CFL2: variants seen among roughly 807,000 people sequenced by gnomAD.
CFL2 encodes cofilin-2.
In CFL2, 10 loss-of-function variants were observed where a neutral mutation model predicts 19.6. The ratio of observed to expected loss-of-function variants is 0.51; its 90% CI spans 0.31 to 0.86. The LOEUF (loss-of-function observed/expected upper bound fraction) is 0.86. CFL2 is among the 40% of genes least tolerant of loss of function. CFL2 has a pLI of 0.04. For synonymous variants in CFL2, 63 were observed against 66.7 expected (o/e 0.95, Z 0.27); for missense variants, 125 against 192.1 (o/e 0.65, Z 2.06).
In CFL2 at chr14:34,712,659, TC is replaced by T; in HGVS notation, c.*205del. ...TATGACAGGAAGGCATTCCTTGGGT[TC>T]TATATAAAAGTAACAGTATTCAACA... On this transcript the variant is annotated 3_prime_UTR_variant, in exon 4 of 4. Transcript: ENST00000298159. The T allele has an allele frequency of 3.0e-6, 2 of 673,544 alleles. No individual in the cohort carries two copies. The highest frequency in any genetic ancestry group is 1.8e-5 in the African/African-American group (1 of 56,668). The allele number at this position is 673,544 out of a possible 1,614,324, so 41.7% of individuals were successfully genotyped here.
Position 34,712,427 on chromosome 14 carries a change from G to A in CFL2, c.*438C>T. 2.2e-6 allele frequency: 1 copy of A among 455,426 alleles called. No individual in the cohort carries two copies. Among genetic ancestry groups the A allele is most frequent in the South Asian group, 1.6e-5 (1 of 64,486 alleles). The allele number at this position is 455,426 out of a possible 1,614,324, so 28.2% of individuals were successfully genotyped here. ...ATAGGCTTGCCAAGGCAGGTGAGGTGTATGAATGCTCAAGCCTCACAGAAC... is the reference window on the plus strand; with the variant it reads ...ATAGGCTTGCCAAGGCAGGTGAGGTATATGAATGCTCAAGCCTCACAGAAC... On this transcript the variant is annotated 3_prime_UTR_variant, in exon 4 of 4. Transcript: ENST00000298159.
rs942279148 is a variant in CFL2 at position 34,710,182 on chromosome 14, A to G, written c.*2683T>C. 1.5e-4 allele frequency: 27 copies of G among 178,516 alleles called. No homozygotes were observed. The highest frequency in any genetic ancestry group is 8.1e-4 in the Admixed American group (14 of 17,278). The allele number at this position is 178,516 out of a possible 1,614,324, so 11.1% of individuals were successfully genotyped here. Reference sequence around the variant, plus strand: ...CACATTTCAATACACAATGCTGGCCACACTATTTTAGATAATGATGGAAAA... The same window carrying G: ...CACATTTCAATACACAATGCTGGCCGCACTATTTTAGATAATGATGGAAAA... On this transcript the variant is annotated 3_prime_UTR_variant, in exon 4 of 4. Coordinates refer to ENST00000298159, the MANE Select transcript of CFL2 (RefSeq NM_138638.5).
chr14:34,712,314 T>C lies in CFL2; in HGVS notation c.*551A>G. ...AAGTTGATGACACAGTTAACAAAAC[T>C]TAATTGGCATTCCTTTTAGGATATT... On this transcript the variant is annotated 3_prime_UTR_variant, in exon 4 of 4. Transcript: ENST00000298159. 2 of 454,564 alleles carry C rather than the reference T, an allele frequency of 4.4e-6. No homozygotes were observed. Among genetic ancestry groups the C allele is most frequent in the Non-Finnish European group, 8.8e-6 (2 of 226,788 alleles). 28.2% of individuals were successfully genotyped at this position (454,564 alleles called of 1,614,324 possible).
At chr14:34,713,857 C>A in intron 1 of CFL2, 1 of 1,509,016 alleles carries the variant, frequency 6.6e-7, no homozygotes, top group South Asian at 1.3e-5. Context: ...GTCAGAGCTT[C>A]AGGAGTGGCA....
chr14:34,713,984 T>C (rs545378398), intron 1 of CFL2, among the ~76,000 whole-genome samples: 1 of 152,310 alleles, frequency 6.6e-6, no homozygotes, highest in South Asian at 2.1e-4. Flanking sequence ...TGACGTTTCC[T>C]CATAAGGAAA....
In CFL2 at chr14:34,712,448, A is replaced by G. The variant is rs2138471832; in HGVS notation, c.*417T>C. The G allele has an allele frequency of 2.2e-6, 1 of 455,990 alleles. No homozygotes were observed. The highest frequency in any genetic ancestry group is 6.9e-4 in the Middle Eastern group (1 of 1,450). The allele number at this position is 455,990 out of a possible 1,614,324, so 28.2% of individuals were successfully genotyped here. A position where few individuals can be genotyped will look rare whatever the true frequency, so the allele number is the denominator to read the frequency against. On this transcript the variant is annotated 3_prime_UTR_variant, in exon 4 of 4. Transcript: ENST00000298159. ...AGGTGTATGAATGCTCAAGCCTCAC[A>G]GAACTGCAATCAAGTGCCAACTATA... is the stretch of plus-strand genomic sequence containing the variant.
chr14:34,710,553 C>T lies in CFL2; in HGVS notation c.*2312G>A, dbSNP rs1249432171. 4.6e-6 allele frequency: 2 copies of T among 432,674 alleles called. No homozygotes were observed. Among genetic ancestry groups the T allele is most frequent in the Admixed American group, 5.3e-5 (2 of 37,920 alleles). The allele number at this position is 432,674 out of a possible 1,614,324, so 26.8% of individuals were successfully genotyped here. Reference sequence around the variant, plus strand: ...AGCACCGTATACCTTTTAAAGCTAACTGGAACATTGATTCATTATAAATGA... The same window carrying T: ...AGCACCGTATACCTTTTAAAGCTAATTGGAACATTGATTCATTATAAATGA... On this transcript the variant is annotated 3_prime_UTR_variant, in exon 4 of 4. Coordinates refer to ENST00000298159, the MANE Select transcript of CFL2 (RefSeq NM_138638.5).
chr14:34,712,503 C>T lies in CFL2; in HGVS notation c.*362G>A, dbSNP rs553554454. 1.5e-4 allele frequency: 68 copies of T among 464,316 alleles called. No homozygotes were observed. The highest frequency in any genetic ancestry group is 1.0e-3 in the South Asian group (67 of 64,552). The allele number at this position is 464,316 out of a possible 1,614,324, so 28.8% of individuals were successfully genotyped here. On this transcript the variant is annotated 3_prime_UTR_variant, in exon 4 of 4. Coordinates refer to ENST00000298159, the MANE Select transcript of CFL2 (RefSeq NM_138638.5). ...ATACTGAAAAAAGTTGACCATCTGA[C>T]CAGTGGATAATACTTTCAAGGCATT...
chr14:34,709,269 C>T lies in CFL2; in HGVS notation c.*3596G>A, dbSNP rs986848913. On this transcript the variant is annotated 3_prime_UTR_variant, in exon 4 of 4. Transcript: ENST00000298159. Reference sequence around the variant, plus strand: ...AGGAAACATGGTAAACAGATATTACCGTTCCCATACTATGGGTTAAAAAAC... The same window carrying T: ...AGGAAACATGGTAAACAGATATTACTGTTCCCATACTATGGGTTAAAAAAC... 5 of 151,936 alleles carry T rather than the reference C, an allele frequency of 3.3e-5. No individual in the cohort carries two copies. The highest frequency in any genetic ancestry group is 7.4e-5 in the Non-Finnish European group (5 of 68,016). The allele number at this position is 151,936 out of a possible 1,614,324, so 9.4% of individuals were successfully genotyped here.
rs745958703 is a variant in CFL2 at position 34,710,876 on chromosome 14, C to G, written c.*1989G>C. 3.1e-5 allele frequency: 14 copies of G among 454,004 alleles called. No homozygotes were observed. The highest frequency in any genetic ancestry group is 2.2e-4 in the South Asian group (14 of 64,460). 28.1% of individuals were successfully genotyped at this position (454,004 alleles called of 1,614,324 possible). Reference sequence around the variant, plus strand: ...TTTTTAAAAGAATGAGGAAATAACTCAATGAAAAATTCCATGGTGCCAAGT... The same window carrying G: ...TTTTTAAAAGAATGAGGAAATAACTGAATGAAAAATTCCATGGTGCCAAGT... On this transcript the variant is annotated 3_prime_UTR_variant, in exon 4 of 4. Transcript: ENST00000298159.
At position 34,713,085 on chromosome 14, in the gene CFL2, T is replaced by C; in HGVS notation, c.363A>G (p.Lys121=). ...CTGTAAATTTCTTTTTAATGGCATC[T>C]TTAGAGCTAGCATAAATCATCTTGC... ...LKSKMIYASS[K]DAIKKKFTGI... The change falls in exon 3 of 4, where the codon AAA becomes AAG. Residue 121 remains lysine (K), a synonymous_variant. Coordinates refer to ENST00000298159, the MANE Select transcript of CFL2 (RefSeq NM_138638.5). The C allele has an allele frequency of 6.3e-7, 1 of 1,586,612 alleles. No individual in the cohort carries two copies. Among genetic ancestry groups the C allele is most frequent in the Non-Finnish European group, 8.6e-7 (1 of 1,165,598 alleles).
intron 1 of CFL2, chr14:34,714,221 T>G: frequency 4.9e-6 from 2 of 404,078 alleles, no homozygotes; most frequent in Non-Finnish European, 8.8e-6. Flanking sequence ...GCGTGTTAAG[T>G]AAAATTAGGA....
chr14:34,714,573 G>T lies in CFL2; in HGVS notation c.-33C>A. On this transcript the variant is annotated 5_prime_UTR_variant, in exon 1 of 4. Transcript: ENST00000298159. ...TCGGCTGTGGCTGCGGCGGCAGCTC[G>T]GGCTTCGGCTCTGTGGCACTGGGAG... 6.4e-7 allele frequency: 1 copy of T among 1,557,176 alleles called. No individual in the cohort carries two copies. Among genetic ancestry groups the T allele is most frequent in the African/African-American group, 1.4e-5 (1 of 71,638 alleles).
chr14:34,713,596 G>T (rs969050808), intron 1 of CFL2, 35 bp from the exon 2 acceptor site: 1 of 1,613,188 alleles, frequency 6.2e-7, no homozygotes, highest in African/African-American at 1.3e-5. Flanking sequence ...TTCAGAACAC[G>T]TATTTTGGTT....
Position 34,710,678 on chromosome 14 carries a change from G to A in CFL2, c.*2187C>T, listed in dbSNP as rs1417853339. The A allele has an allele frequency of 1.1e-5, 5 of 450,582 alleles. No individual in the cohort carries two copies. The highest frequency in any genetic ancestry group is 2.2e-5 in the Non-Finnish European group (5 of 225,740). 27.9% of individuals were successfully genotyped at this position (450,582 alleles called of 1,614,324 possible). A position where few individuals can be genotyped will look rare whatever the true frequency, so the allele number is the denominator to read the frequency against. The stretch of plus-strand genomic sequence containing the variant: ...TTTTTTTGGCTCTACGCACAAAGAT[G>A]TATTTCAAAGATGAACTTAATTATA... On this transcript the variant is annotated 3_prime_UTR_variant, in exon 4 of 4. Transcript: ENST00000298159.
Position 34,712,546 on chromosome 14 carries a change from G to C in CFL2, c.*319C>G, listed in dbSNP as rs1245697949. 2.0e-6 allele frequency: 1 copy of C among 494,096 alleles called. No homozygotes were observed. The highest frequency in any genetic ancestry group is 1.9e-5 in the African/African-American group (1 of 51,798). 30.6% of individuals were successfully genotyped at this position (494,096 alleles called of 1,614,324 possible). Reference sequence around the variant, plus strand: ...AAGGCATTCAATTAGCTTATCCTTTGCAGTATTCTAAGCTATTCACATTGA... The same window carrying C: ...AAGGCATTCAATTAGCTTATCCTTTCCAGTATTCTAAGCTATTCACATTGA... On this transcript the variant is annotated 3_prime_UTR_variant, in exon 4 of 4. Transcript: ENST00000298159.
rs1316652262 is a variant in CFL2 at position 34,711,929 on chromosome 14, A to T, written c.*936T>A. ...AAAAATTCTCAAATGACCAGTGCAG[A>T]GATTAGTAATAGCTGTTTTTACCCT... On this transcript the variant is annotated 3_prime_UTR_variant, in exon 4 of 4. Coordinates refer to ENST00000298159, the MANE Select transcript of CFL2 (RefSeq NM_138638.5). 1 of 454,404 alleles carries T rather than the reference A, an allele frequency of 2.2e-6. No homozygotes were observed. Among genetic ancestry groups the T allele is most frequent in the Admixed American group, 2.3e-5 (1 of 42,554 alleles). 28.1% of individuals were successfully genotyped at this position (454,404 alleles called of 1,614,324 possible).
chr14:34,713,622 G>A, intron 1 of CFL2, 61 bp from the exon 2 acceptor site: 2 of 1,613,878 alleles, frequency 1.2e-6, no homozygotes, highest in Non-Finnish European at 1.7e-6. Context: ...CAAAATTACT[G>A]TTTGCCTAGA....
In CFL2 at chr14:34,712,456, A is replaced by C. The variant is rs116651711; in HGVS notation, c.*409T>G. The C allele has an allele frequency of 6.6e-3, 3,031 of 456,356 alleles. 74 individuals are homozygous for C. The highest frequency in any genetic ancestry group is 0.054 in the African/African-American group (2,735 of 50,230). The allele number at this position is 456,356 out of a possible 1,614,324, so 28.3% of individuals were successfully genotyped here. On this transcript the variant is annotated 3_prime_UTR_variant, in exon 4 of 4. Coordinates refer to ENST00000298159, the MANE Select transcript of CFL2 (RefSeq NM_138638.5). ...GAATGCTCAAGCCTCACAGAACTGC[A>C]ATCAAGTGCCAACTATAAATAATAC...
Sources: allele counts gnomAD v4.1 joint callset (sites outside exome capture counted in the v4.1 genomes callset), GRCh38; gene constraint gnomAD v4.1.1; transcripts MANE v1.5; gene names NCBI Gene and HGNC (gene_info 2026-07-23, HGNC 2026-07-21).